The following MORC1 variants were observed in gnomAD, a reference collection of about 807,000 sequenced individuals.
MORC1 encodes the protein MORC family CW-type zinc finger protein 1.
MORC1 carries 59 observed loss-of-function variants against 134.9 expected under a neutral mutation model. That is an observed-to-expected ratio of 0.44 (90% CI 0.35 to 0.54). MORC1 has a LOEUF of 0.54. Among genes scored for constraint, MORC1 ranks in the 20% least tolerant of loss-of-function variants. The pLI is 0.00. For synonymous variants in MORC1, 395 were observed against 391.7 expected (o/e 1.01, Z -0.10); for missense variants, 947 against 1,134.5 (o/e 0.83, Z 2.37).
chr3:109,112,827 G>C (rs1001485680), intron 2 of MORC1, among the ~76,000 whole-genome samples: 1 of 152,172 alleles, frequency 6.6e-6, no homozygotes, highest in African/African-American at 2.4e-5. Context: ...ACATAAGACA[G>C]GCTGGACCTG....
intron 21 of MORC1, among the ~76,000 whole-genome samples, chr3:108,994,587 A>G (rs1330511288): frequency 6.6e-6 from 1 of 152,124 alleles, no homozygotes; most frequent in African/African-American, 2.4e-5. Context: ...TGAGAAGGGT[A>G]TATGTTGCTT....
chr3:108,982,565 C>T (rs548593742), intron 23 of MORC1, among the ~76,000 whole-genome samples: 29 of 92,916 alleles, frequency 3.1e-4, no homozygotes, highest in Non-Finnish European at 5.1e-4. Context: ...ACATCACACA[C>T]GGGGACCTGT....
At chr3:109,082,436 G>A (rs1950540838) in intron 8 of MORC1, among the ~76,000 whole-genome samples, 2 of 152,162 alleles carry the variant, frequency 1.3e-5, no homozygotes, top group African/African-American at 2.4e-5. Flanking sequence ...CCCAAACAAA[G>A]CAAGGAATCA....
At chr3:109,015,553 G>T (rs1288404830) in intron 17 of MORC1, among the ~76,000 whole-genome samples, 1 of 152,096 alleles carries the variant, frequency 6.6e-6, no homozygotes, top group Non-Finnish European at 1.5e-5. Context: ...ACTTACACTG[G>T]TCAGTCTTTT....
At chr3:109,053,163 A>G (rs1257120768) in intron 14 of MORC1, among the ~76,000 whole-genome samples, 1 of 152,050 alleles carries the variant, frequency 6.6e-6, no homozygotes, top group Non-Finnish European at 1.5e-5. Flanking sequence ...CACTTACACA[A>G]TGTTGGTGGG....
In MORC1 at chr3:109,005,065, A is replaced by T. The variant is rs1296520616; in HGVS notation, c.2013+5T>A. On this transcript the variant is annotated splice_donor_5th_base_variant and intron_variant, in intron 19 of 27. Transcript: ENST00000232603. ...TGTTTTGTGAATAAGAAACAATAATAATACCTGGGATCTCTCAGCTAGTTT... is the reference window on the plus strand; with the variant it reads ...TGTTTTGTGAATAAGAAACAATAATTATACCTGGGATCTCTCAGCTAGTTT... The T allele has an allele frequency of 6.2e-7, 1 of 1,603,782 alleles. No homozygotes were observed. The highest frequency in any genetic ancestry group is 1.1e-5 in the South Asian group (1 of 88,770).
chr3:109,085,904 C>T (rs1576726553), intron 8 of MORC1, among the ~76,000 whole-genome samples: 1 of 152,016 alleles, frequency 6.6e-6, no homozygotes, highest in Non-Finnish European at 1.5e-5. Flanking sequence ...CAGAATACTA[C>T]TCAGCCATAA....
chr3:109,031,727 A>G (rs1949245887), intron 16 of MORC1, among the ~76,000 whole-genome samples: 1 of 152,198 alleles, frequency 6.6e-6, no homozygotes, highest in Non-Finnish European at 1.5e-5. Flanking sequence ...GGCTTTCTGC[A>G]GAGTAGGGAA....
chr3:109,042,386 A>T (rs932902171), intron 14 of MORC1, among the ~76,000 whole-genome samples: 6 of 152,236 alleles, frequency 3.9e-5, no homozygotes, highest in African/African-American at 1.4e-4. Context: ...ACAGGGAGAT[A>T]TCACCTCATA....
intron 24 of MORC1, among the ~76,000 whole-genome samples, chr3:108,972,405 C>T (rs572322927): frequency 4.6e-5 from 7 of 152,304 alleles, no homozygotes; most frequent in Non-Finnish European, 7.3e-5. Flanking sequence ...CTTTCTTCCA[C>T]AATTTATATT....
At chr3:109,112,898 C>T (rs1441364182) in intron 2 of MORC1, among the ~76,000 whole-genome samples, 3 of 152,230 alleles carry the variant, frequency 2.0e-5, no homozygotes, top group African/African-American at 7.2e-5. Context: ...TCACATTTCT[C>T]TCAGTCCCCT....
In MORC1 at chr3:109,098,297, G is replaced by A. The variant is rs548648296; in HGVS notation, c.423+1061C>T. Among the ~76,000 whole-genome samples, 13 of 152,226 alleles carry A rather than the reference G, an allele frequency of 8.5e-5. No individual in the cohort carries two copies. The South Asian group carries it at 2.7e-3, about 32-fold the overall frequency. Reference sequence around the variant, plus strand: ...GCTGTTTTTAGTTTTTTTTAAAAAAGGGAATGGCCCATTTTAAGAAAGCTA... The same window carrying A: ...GCTGTTTTTAGTTTTTTTTAAAAAAAGGAATGGCCCATTTTAAGAAAGCTA... On this transcript the variant is annotated intron_variant, in intron 6 of 27. Coordinates refer to ENST00000232603, the MANE Select transcript of MORC1 (RefSeq NM_014429.4).
rs879699389 is a variant in MORC1 at position 109,017,002 on chromosome 3, A to G, written c.1705-9911T>C. 4.6e-5 allele frequency among the ~76,000 whole-genome samples: 7 copies of G among 152,238 alleles called. No individual in the cohort carries two copies. The East Asian group carries it at 9.7e-4, about 21-fold the overall frequency. On this transcript the variant is annotated intron_variant, in intron 17 of 27. Coordinates refer to ENST00000232603, the MANE Select transcript of MORC1 (RefSeq NM_014429.4). ...CTCTCCTAACCATGAATTTACCTCA[A>G]CCCTACCTAATGCTCTAGCTGTAAC...
intron 2 of MORC1, among the ~76,000 whole-genome samples, chr3:109,113,101 G>A (rs921547357): frequency 6.6e-6 from 1 of 152,222 alleles, no homozygotes; most frequent in East Asian, 1.9e-4. Flanking sequence ...TCAAGTTGCT[G>A]AAAGTGGGCC....
chr3:109,040,647 T>G (rs1949517204), intron 14 of MORC1, among the ~76,000 whole-genome samples: 1 of 151,374 alleles, frequency 6.6e-6, no homozygotes, highest in African/African-American at 2.4e-5. Flanking sequence ...CTGATCAACA[T>G]GGTGAAACCC....
chr3:109,101,507 CCT>C (rs1027929271), intron 4 of MORC1: 1 of 152,174 alleles, frequency 6.6e-6, no homozygotes, highest in African/African-American at 2.4e-5. Context: ...TCCTGAGGAC[CCT>C]CTGTCAGTCT....
At chr3:109,045,434 CA>C (rs1949671768) in intron 14 of MORC1, among the ~76,000 whole-genome samples, 1 of 152,150 alleles carries the variant, frequency 6.6e-6, no homozygotes, top group Non-Finnish European at 1.5e-5. Flanking sequence ...TTAGGGATGA[CA>C]AACTGGTTTC....
chr3:109,062,185 T>C lies in MORC1; in HGVS notation c.896-127A>G, dbSNP rs1341717518. ...CAGACCATGATCTGAGAAAACCCTA[T>C]GTTCCTCTTATAACTTTTACACATG... On this transcript the variant is annotated intron_variant, in intron 10 of 27. Transcript: ENST00000232603. The C allele has an allele frequency of 6.4e-6, 5 of 783,516 alleles. No homozygotes were observed. In the African/African-American group the frequency reaches 8.6e-5, roughly 14 times the overall value. 48.5% of individuals were successfully genotyped at this position (783,516 alleles called of 1,614,324 possible).
intron 3 of MORC1, among the ~76,000 whole-genome samples, chr3:109,109,494 T>A (rs1951115662): frequency 6.6e-6 from 1 of 152,208 alleles, no homozygotes; most frequent in Admixed American, 6.5e-5. Context: ...AAAAATCACA[T>A]TCATATTTCA....
Sources: gnomAD v4.1 joint callset for allele counts (sites outside exome capture counted in the v4.1 genomes callset) on GRCh38, gnomAD v4.1.1 for gene constraint, MANE v1.5 for transcripts, NCBI Gene and HGNC (gene_info 2026-07-23, HGNC 2026-07-21) for gene names.